The following ACBD6 variants were observed in gnomAD, a reference collection of about 807,000 sequenced individuals.
ACBD6 encodes acyl-CoA binding domain containing 6.
ACBD6 carries 28 observed loss-of-function variants against 37.2 expected under a neutral mutation model. The observed-to-expected ratio is 0.75, with a 90% CI of 0.56 to 1.03. The LOEUF is 1.03. Ranked by LOEUF, ACBD6 falls within the 50% of genes least tolerant of loss-of-function variation. ACBD6 has a pLI of 0.00. For synonymous variants in ACBD6, 113 were observed against 126.8 expected (o/e 0.89, Z 0.73); for missense variants, 340 against 337.4 (o/e 1.01, Z -0.06).
chr1:180,288,090 TGCCCACCCTCTAAA>T (rs1649562136), downstream of ACBD6: 2 of 401,038 alleles, frequency 5.0e-6, no homozygotes, highest in Non-Finnish European at 9.2e-6. Flanking sequence ...TCTCCTCTTC[TGCCCACCCTCTAAA>T]GCAGTGATAA....
At chr1:180,346,120 A>G (rs2101886299) in intron 6 of ACBD6, among the ~76,000 whole-genome samples, 1 of 152,248 alleles carries the variant, frequency 6.6e-6, no homozygotes, top group East Asian at 1.9e-4. Flanking sequence ...CTGACAGGCT[A>G]GATCGGTTAG....
intron 7 of ACBD6, among the ~76,000 whole-genome samples, chr1:180,292,352 A>G (rs1344042878): frequency 3.3e-5 from 5 of 152,190 alleles, no homozygotes; most frequent in Non-Finnish European, 7.4e-5. Context: ...GATAATATTT[A>G]GGAATTATAC....
intron 13 of ACBD6, chr1:180,271,982 A>T (rs765444215): frequency 1.2e-6 from 2 of 1,612,868 alleles, no homozygotes; most frequent in South Asian, 2.2e-5. Flanking sequence ...CTGTGGGGTT[A>T]GTGACAGTGA....
At chr1:180,337,300 C>A (rs1352431734) in intron 6 of ACBD6, among the ~76,000 whole-genome samples, 2 of 152,100 alleles carry the variant, frequency 1.3e-5, no homozygotes, top group Non-Finnish European at 2.9e-5. Flanking sequence ...AAAAGCTTAT[C>A]CACTGTGATC....
Position 180,318,949 on chromosome 1 carries a change from T to C in ACBD6, c.664-4227A>G, listed in dbSNP as rs1042151086. 6.6e-5 allele frequency among the ~76,000 whole-genome samples: 10 copies of C among 152,348 alleles called. No homozygotes were observed. The Middle Eastern group carries it at 0.01, about 155-fold the overall frequency. ...GGCCCTTGGAGAGTTGAGTTGCTTT[T>C]TTGTAAGCTTGTCTATGCATTTAAA... is the stretch of plus-strand genomic sequence containing the variant. On this transcript the variant is annotated intron_variant, in intron 6 of 7. Coordinates refer to ENST00000367595, the MANE Select transcript of ACBD6 (RefSeq NM_032360.4).
intron 3 of ACBD6, among the ~76,000 whole-genome samples, chr1:180,468,627 ACAGACTATTT>A (rs1475798823): frequency 6.6e-6 from 1 of 152,124 alleles, no homozygotes; most frequent in African/African-American, 2.4e-5. Flanking sequence ...TCTCCTGGAG[ACAGACTATTT>A]TTACAAATGT....
intron 2 of ACBD6, among the ~76,000 whole-genome samples, chr1:180,494,175 T>C (rs1437655431): frequency 6.6e-6 from 1 of 152,154 alleles, no homozygotes; most frequent in Non-Finnish European, 1.5e-5. Flanking sequence ...CCTCAATAGT[T>C]TTTCTCTAAC....
At chr1:180,439,951 T>C (rs1037297857) in intron 3 of ACBD6, among the ~76,000 whole-genome samples, 3 of 152,196 alleles carry the variant, frequency 2.0e-5, no homozygotes, top group African/African-American at 7.2e-5. Context: ...AATTTACCCA[T>C]ATATTTAGCA....
intron 7 of ACBD6, among the ~76,000 whole-genome samples, chr1:180,288,744 C>T (rs1427195683): frequency 3.3e-5 from 5 of 152,024 alleles, no homozygotes; most frequent in African/African-American, 7.3e-5. Context: ...GGAACACACA[C>T]GCAAACAAAT....
At chr1:180,329,600 T>C (rs879936068) in intron 6 of ACBD6, among the ~76,000 whole-genome samples, 5 of 152,240 alleles carry the variant, frequency 3.3e-5, no homozygotes, top group Non-Finnish European at 4.4e-5. Flanking sequence ...TTTTAGGCTA[T>C]ATTCTTTTTT....
At chr1:180,274,522 C>A (rs369174314) in intron 10 of ACBD6, 37 of 1,607,004 alleles carry the variant, frequency 2.3e-5, no homozygotes, top group Non-Finnish European at 2.6e-5. Flanking sequence ...TAGGCTATCC[C>A]GACTTTCCAA....
downstream of ACBD6, among the ~76,000 whole-genome samples, chr1:180,287,578 C>T (rs1470274810): frequency 2.0e-4 from 14 of 71,592 alleles, no homozygotes; most frequent in South Asian, 5.9e-4. Context: ...CAGATCTAAG[C>T]TTTTTTTTTT....
chr1:180,417,698 C>T (rs769079842), intron 4 of ACBD6, among the ~76,000 whole-genome samples: 4 of 152,194 alleles, frequency 2.6e-5, no homozygotes, highest in East Asian at 1.9e-4. Flanking sequence ...GCTTGATCTA[C>T]GGATCTTTTT....
intron 3 of ACBD6, among the ~76,000 whole-genome samples, chr1:180,447,123 G>C (rs1649504963): frequency 6.6e-6 from 1 of 152,122 alleles, no homozygotes; most frequent in African/African-American, 2.4e-5. Flanking sequence ...ATTAGCATTG[G>C]AAAATAATTT....
chr1:180,329,336 C>T (rs863721), intron 6 of ACBD6, among the ~76,000 whole-genome samples: 18,412 of 152,176 alleles, frequency 0.12, 1,753 homozygotes, highest in African/African-American at 0.27. Flanking sequence ...TTTGTCTTTT[C>T]CTTTTTTAAG....
At position 180,271,932 on chromosome 1, in the gene ACBD6, G is replaced by A. The variant is rs765008063; in HGVS notation, c.*1293C>T. ...TTCTATAAGAGCGTCAAGAGGAGCC[G>A]GGGCAGCAGCAAGCAGGAGAAGGAG... is the stretch of plus-strand genomic sequence containing the variant. On this transcript the variant is annotated 3_prime_UTR_variant, in exon 14 of 14. Coordinates refer to the ACBD6 transcript ENST00000642319. 131 of 1,613,200 alleles carry A rather than the reference G, an allele frequency of 8.1e-5. No individual in the cohort carries two copies. Among genetic ancestry groups the A allele is most frequent in the Middle Eastern group, 1.6e-4 (1 of 6,070 alleles).
intron 6 of ACBD6, among the ~76,000 whole-genome samples, chr1:180,377,931 G>A (rs1653495096): frequency 1.4e-5 from 2 of 145,314 alleles, no homozygotes; most frequent in Non-Finnish European, 3.0e-5. Flanking sequence ...TGGGCGACAA[G>A]AACAAAACTC....
At chr1:180,319,017 T>C (rs1360439239) in intron 6 of ACBD6, among the ~76,000 whole-genome samples, 1 of 152,346 alleles carries the variant, frequency 6.6e-6, no homozygotes, top group East Asian at 1.9e-4. Context: ...GAGTGTTTTG[T>C]GGTGGGAGAA....
chr1:180,397,770 G>C (rs962689729), intron 5 of ACBD6, among the ~76,000 whole-genome samples, 165 bp from the exon 6 acceptor site: 4 of 151,902 alleles, frequency 2.6e-5, no homozygotes, highest in Non-Finnish European at 5.9e-5. Context: ...ACAATCAATG[G>C]GGCAGGGCAT....
Sources: allele counts gnomAD v4.1 joint callset (sites outside exome capture counted in the v4.1 genomes callset), GRCh38; gene constraint gnomAD v4.1.1; transcripts MANE v1.5; gene names NCBI Gene and HGNC (gene_info 2026-07-23, HGNC 2026-07-21).